IGSF11: variants seen among roughly 807,000 people sequenced by gnomAD.
IGSF11 encodes immunoglobulin superfamily member 11.
IGSF11 carries 22 observed loss-of-function variants against 41.0 expected under a neutral mutation model. The observed-to-expected ratio is 0.54, with a 90% CI of 0.38 to 0.77. The LOEUF is 0.77. Ranked by LOEUF, IGSF11 falls within the 30% of genes least tolerant of loss-of-function variation. IGSF11 has a pLI of 0.00. For synonymous variants in IGSF11, 219 were observed against 201.3 expected (o/e 1.09, Z -0.74); for missense variants, 444 against 530.8 (o/e 0.84, Z 1.61).
intron 1 of IGSF11, among the ~76,000 whole-genome samples, chr3:118,990,486 T>G (rs1276701536): frequency 6.6e-6 from 1 of 152,166 alleles, no homozygotes; most frequent in African/African-American, 2.4e-5. Context: ...AACATAAAGA[T>G]GCTAAGTAAG....
At chr3:119,144,259 C>T (rs995809373) in intron 1 of IGSF11, among the ~76,000 whole-genome samples, 1 of 152,112 alleles carries the variant, frequency 6.6e-6, no homozygotes, top group African/African-American at 2.4e-5. Context: ...GAACCCTAGA[C>T]AGAAGGCCAG....
chr3:119,108,097 T>C (rs1181223921), upstream of IGSF11, among the ~76,000 whole-genome samples: 1 of 150,744 alleles, frequency 6.6e-6, no homozygotes, highest in Non-Finnish European at 1.5e-5. Context: ...ATATGAACTT[T>C]AAAGTAGTTT....
intron 1 of IGSF11, among the ~76,000 whole-genome samples, chr3:119,058,883 C>T (rs935888187): frequency 6.6e-5 from 10 of 151,656 alleles, no homozygotes; most frequent in African/African-American, 9.7e-5. Flanking sequence ...GACAAAAAAC[C>T]AAACACCACA....
chr3:119,111,545 T>C (rs2077160098), intron 1 of IGSF11, among the ~76,000 whole-genome samples: 1 of 152,146 alleles, frequency 6.6e-6, no homozygotes. Context: ...AATTTCCTCC[T>C]GTAGGTTGGA....
intron 1 of IGSF11, among the ~76,000 whole-genome samples, chr3:119,056,011 A>G (rs959137434): frequency 3.3e-5 from 5 of 152,210 alleles, no homozygotes; most frequent in Middle Eastern, 3.2e-3. Flanking sequence ...TGCCCACAAG[A>G]GAAAGCAGGA....
intron 1 of IGSF11, among the ~76,000 whole-genome samples, chr3:119,091,175 AT>A (rs2076755587): frequency 6.6e-6 from 1 of 152,210 alleles, no homozygotes; most frequent in Non-Finnish European, 1.5e-5. Flanking sequence ...CACCAGTCAG[AT>A]GACTATTATT....
intron 1 of IGSF11, among the ~76,000 whole-genome samples, chr3:118,942,149 A>T (rs1022991802): frequency 5.9e-5 from 9 of 152,332 alleles, no homozygotes; most frequent in African/African-American, 2.2e-4. Flanking sequence ...TACTTTAAAA[A>T]AATGTTTTTT....
chr3:119,118,152 T>C (rs1265647618), intron 1 of IGSF11, among the ~76,000 whole-genome samples: 2 of 152,230 alleles, frequency 1.3e-5, no homozygotes, highest in Non-Finnish European at 2.9e-5. Flanking sequence ...ACAGCTCCAC[T>C]TGGCAGTGCC....
chr3:119,008,795 G>A (rs1266137820), intron 1 of IGSF11, among the ~76,000 whole-genome samples: 1 of 152,158 alleles, frequency 6.6e-6, no homozygotes, highest in Admixed American at 6.5e-5. Flanking sequence ...TAACATTTAA[G>A]TCATTGGACT....
At chr3:119,087,775 A>C (rs1040860880) in intron 1 of IGSF11, among the ~76,000 whole-genome samples, 1 of 152,188 alleles carries the variant, frequency 6.6e-6, no homozygotes, top group African/African-American at 2.4e-5. Context: ...CTATTGAAAT[A>C]AAAATTAAAA....
At chr3:119,023,077 C>T (rs887446160) in intron 1 of IGSF11, among the ~76,000 whole-genome samples, 2 of 151,974 alleles carry the variant, frequency 1.3e-5, no homozygotes, top group Non-Finnish European at 2.9e-5. Flanking sequence ...GCCTGGCCAA[C>T]ATGGCGAAAC....
chr3:118,951,003 T>C (rs1411636983), intron 1 of IGSF11, among the ~76,000 whole-genome samples: 5 of 152,188 alleles, frequency 3.3e-5, no homozygotes, highest in Non-Finnish European at 7.3e-5. Flanking sequence ...TAGACAGTAA[T>C]GAATGAATAT....
At chr3:119,116,240 A>G (rs1368317552) in intron 1 of IGSF11, among the ~76,000 whole-genome samples, 4 of 152,166 alleles carry the variant, frequency 2.6e-5, no homozygotes, top group African/African-American at 9.7e-5. Context: ...AAGGCAGAAG[A>G]TGAAGGAATA....
rs1303199299 is a variant in IGSF11, at chr3:118,923,112, C to CT, written c.580+2988dup. Among the ~76,000 whole-genome samples the CT allele has an allele frequency of 2.0e-5, 3 of 152,102 alleles. No individual in the cohort carries two copies. The East Asian group carries it at 5.8e-4, about 29-fold the overall frequency. ...CAAGTGGACATGTGCATAAGAGACT[C>CT]TATCTGTTCCAGGAAGCTTTTCTGA... On this transcript the variant is annotated intron_variant, in intron 4 of 6. Transcript: ENST00000393775.
At chr3:119,143,498 A>G (rs895159452) in intron 1 of IGSF11, among the ~76,000 whole-genome samples, 2 of 152,172 alleles carry the variant, frequency 1.3e-5, no homozygotes, top group African/African-American at 2.4e-5. Context: ...TGAGAAAGGA[A>G]TCAACATGAT....
chr3:118,973,407 G>A lies in IGSF11; in HGVS notation c.53-43132C>T, dbSNP rs1291955416. On this transcript the variant is annotated intron_variant, in intron 1 of 6. Coordinates refer to ENST00000393775, the MANE Select transcript of IGSF11 (RefSeq NM_001015887.3). ...TTTTTCTGTCAAGTGCCTAGGCTGC[G>A]TAGAATTTGGTGACACCAGGGCTTT... 6.6e-5 allele frequency among the ~76,000 whole-genome samples: 10 copies of A among 152,186 alleles called. 1 individual carries two copies. Among genetic ancestry groups the A allele is most frequent in the East Asian group, 5.8e-4 (3 of 5,204 alleles).
chr3:118,995,017 A>G (rs1936132168), intron 1 of IGSF11, among the ~76,000 whole-genome samples: 1 of 152,248 alleles, frequency 6.6e-6, no homozygotes, highest in Admixed American at 6.5e-5. Flanking sequence ...AAACAAAATT[A>G]AGCGTCATGC....
rs534513918 is a variant in IGSF11 at position 119,016,531 on chromosome 3, C to A, written c.52+18000G>T. Among the ~76,000 whole-genome samples the A allele has an allele frequency of 3.9e-5, 6 of 152,218 alleles. No homozygotes were observed. In the South Asian group the frequency reaches 1.0e-3, roughly 26 times the overall value. On this transcript the variant is annotated intron_variant, in intron 1 of 6. Coordinates refer to ENST00000393775, the MANE Select transcript of IGSF11 (RefSeq NM_001015887.3). ...CAAGAAAATATTTAGAATGCTGAAG[C>A]AAATAGTTCAATGTGTACAGATTAT...
intron 1 of IGSF11, among the ~76,000 whole-genome samples, chr3:119,103,036 C>T (rs548160797): frequency 1.4e-4 from 20 of 138,440 alleles, no homozygotes; most frequent in African/African-American, 4.8e-4. Flanking sequence ...CTCGCTCTGT[C>T]GCCCAGGCTG....
Sources: gnomAD v4.1 joint callset for allele counts (sites outside exome capture counted in the v4.1 genomes callset) on GRCh38, gnomAD v4.1.1 for gene constraint, MANE v1.5 for transcripts, NCBI Gene and HGNC (gene_info 2026-07-23, HGNC 2026-07-21) for gene names.